The following ATRNL1 variants were observed in gnomAD, a reference collection of about 807,000 sequenced individuals.
The protein encoded by ATRNL1 is attractin like 1.
Under a neutral mutation model 182.7 loss-of-function variants are expected in ATRNL1, and 95 were observed. The ratio of observed to expected loss-of-function variants is 0.52; its 90% confidence interval spans 0.44 to 0.62. The LOEUF is 0.62. Ranked by LOEUF, ATRNL1 falls within the 20% of genes least tolerant of loss-of-function variation. ATRNL1 has a pLI of 0.00. For synonymous variants in ATRNL1, 576 were observed against 568.3 expected (o/e 1.01, Z -0.19); for missense variants, 1,471 against 1,679.5 (o/e 0.88, Z 2.17).
chr10:115,666,600 A>G (rs1471229863), intron 26 of ATRNL1, among the ~76,000 whole-genome samples: 2 of 152,186 alleles, frequency 1.3e-5, no homozygotes, highest in Non-Finnish European at 2.9e-5. Flanking sequence ...CCAAAAAGAT[A>G]TCTAGATCTG....
At chr10:115,422,902 A>G (rs936329140) in intron 20 of ATRNL1, among the ~76,000 whole-genome samples, 2 of 152,196 alleles carry the variant, frequency 1.3e-5, no homozygotes, top group South Asian at 2.1e-4. Context: ...AAAGTTAGAA[A>G]CAACACCTAT....
In ATRNL1 at chr10:115,945,487, G is replaced by C. The variant is rs1030806559; in HGVS notation, c.*708G>C. ...ACCTAACTCGTTATCAGAGCTGATA[G>C]AGCATGGAAAAGTCTGTCCAGCGAT... On this transcript the variant is annotated 3_prime_UTR_variant, in exon 29 of 29. Transcript: ENST00000355044. The C allele has an allele frequency of 1.3e-5, 2 of 152,172 alleles. No homozygotes were observed. Among genetic ancestry groups the C allele is most frequent in the African/African-American group, 2.4e-5 (1 of 41,452 alleles). The allele number at this position is 152,172 out of a possible 1,614,324, so 9.4% of individuals were successfully genotyped here.
intron 5 of ATRNL1, among the ~76,000 whole-genome samples, chr10:115,153,547 C>T (rs528000519): frequency 1.2e-3 from 188 of 152,202 alleles, no homozygotes; most frequent in African/African-American, 4.2e-3. Context: ...TCTTTGGGAT[C>T]GGTGGTGATA....
chr10:115,704,934 CCTT>C (rs775419441), intron 26 of ATRNL1, among the ~76,000 whole-genome samples: 50 of 151,662 alleles, frequency 3.3e-4, no homozygotes, highest in Non-Finnish European at 6.3e-4. Context: ...CTAGTTAACT[CCTT>C]CTTCTCCTTC....
chr10:115,309,178 C>T (rs1554927112), intron 17 of ATRNL1, among the ~76,000 whole-genome samples: 1 of 152,056 alleles, frequency 6.6e-6, no homozygotes, highest in East Asian at 1.9e-4. Context: ...TTACTATAGT[C>T]TTATAGTATA....
chr10:115,230,906 AG>A lies in ATRNL1; in HGVS notation c.1533-10664del, dbSNP rs1564837876. Among the ~76,000 whole-genome samples, 1,138 of 148,282 alleles carry A rather than the reference AG, an allele frequency of 7.7e-3. 28 individuals are homozygous for A. Among genetic ancestry groups the A allele is most frequent in the African/African-American group, 0.027 (1,086 of 39,544 alleles). On this transcript the variant is annotated intron_variant, in intron 9 of 28. Transcript: ENST00000355044. ...GAGAGAGAGAGAGAGAGAGAGAGAG[AG>A]AGAGAGAGAGAGAGAAAGAGAGAAA... is the stretch of plus-strand genomic sequence containing the variant.
At chr10:115,820,992 T>A (rs1950281523) in intron 27 of ATRNL1, among the ~76,000 whole-genome samples, 1 of 152,022 alleles carries the variant, frequency 6.6e-6, no homozygotes, top group South Asian at 2.1e-4. Flanking sequence ...CATGGTTTTG[T>A]AAGGGGCTCT....
intron 27 of ATRNL1, among the ~76,000 whole-genome samples, chr10:115,830,571 C>T (rs1018089813): frequency 1.3e-5 from 2 of 152,060 alleles, no homozygotes; most frequent in African/African-American, 4.8e-5. Flanking sequence ...TTTACCAGTT[C>T]CTAAAATTCA....
intron 21 of ATRNL1, among the ~76,000 whole-genome samples, chr10:115,437,999 C>T (rs2134435772): frequency 6.6e-6 from 1 of 151,948 alleles, no homozygotes. Context: ...ACCAAGATCT[C>T]CTTAAATGGT....
intron 28 of ATRNL1, among the ~76,000 whole-genome samples, chr10:115,888,107 G>A (rs1951994363): frequency 6.6e-6 from 1 of 152,096 alleles, no homozygotes; most frequent in African/African-American, 2.4e-5. Flanking sequence ...CTCTAGACTT[G>A]TTCTGTGCCG....
rs1855883096 is a variant in ATRNL1, at chr10:115,591,221, C to T, written c.3795+41685C>T. Among the ~76,000 whole-genome samples, 3 of 152,204 alleles carry T rather than the reference C, an allele frequency of 2.0e-5. No individual in the cohort carries two copies. In the South Asian group the frequency reaches 6.2e-4, roughly 31 times the overall value. ...CTGGTTTGGAGATAGACTCTTTACT[C>T]ACATAGTAACCTGTGTCACTTCCCT... On this transcript the variant is annotated intron_variant, in intron 26 of 28. Coordinates refer to ENST00000355044, the MANE Select transcript of ATRNL1 (RefSeq NM_207303.4).
chr10:115,852,228 A>G (rs1319154426), intron 28 of ATRNL1, among the ~76,000 whole-genome samples: 1 of 152,210 alleles, frequency 6.6e-6, no homozygotes, highest in Admixed American at 6.5e-5. Flanking sequence ...ATGATTGACT[A>G]TACCATTACC....
chr10:115,132,119 C>T (rs1417377357), intron 5 of ATRNL1, among the ~76,000 whole-genome samples: 1 of 151,054 alleles, frequency 6.6e-6, no homozygotes, highest in East Asian at 2.0e-4. Flanking sequence ...TGGGATGTTC[C>T]CCTTCCTGTG....
chr10:115,611,527 T>C (rs1233860745), intron 26 of ATRNL1, among the ~76,000 whole-genome samples: 1 of 152,154 alleles, frequency 6.6e-6, no homozygotes, highest in Non-Finnish European at 1.5e-5. Flanking sequence ...ATTTATTAAC[T>C]ACTGTCTTTC....
intron 1 of ATRNL1, among the ~76,000 whole-genome samples, chr10:115,101,717 C>T (rs1554864633): frequency 6.6e-6 from 1 of 152,120 alleles, no homozygotes; most frequent in Non-Finnish European, 1.5e-5. Context: ...ATATAATGAG[C>T]ACCATGGGAC....
chr10:115,107,466 C>T (rs1554866321), intron 1 of ATRNL1, among the ~76,000 whole-genome samples: 2 of 152,196 alleles, frequency 1.3e-5, no homozygotes, highest in Admixed American at 6.5e-5. Flanking sequence ...ATTGGGCTCC[C>T]AAGACCTCAG....
chr10:115,496,898 C>G (rs748301737), intron 24 of ATRNL1, among the ~76,000 whole-genome samples: 1 of 152,180 alleles, frequency 6.6e-6, no homozygotes, highest in African/African-American at 2.4e-5. Flanking sequence ...TGAGGTATCT[C>G]TTGGGGTTCC....
At chr10:115,465,019 C>T (rs1847986837) in intron 22 of ATRNL1, among the ~76,000 whole-genome samples, 1 of 151,688 alleles carries the variant, frequency 6.6e-6, no homozygotes, top group East Asian at 1.9e-4. Context: ...GAAATTATTT[C>T]ATTTAACGCT....
At position 115,653,262 on chromosome 10, in the gene ATRNL1, A is replaced by T. The variant is rs554679232; in HGVS notation, c.3796-73986A>T. 3.9e-5 allele frequency among the ~76,000 whole-genome samples: 6 copies of T among 152,272 alleles called. No individual in the cohort carries two copies. In the South Asian group the frequency reaches 1.2e-3, roughly 32 times the overall value. ...TATGCACATGTAAGTTTTCATCTGA[A>T]ATTGTCATGTACATTTATTTTGGTC... On this transcript the variant is annotated intron_variant, in intron 26 of 28. Coordinates refer to ENST00000355044, the MANE Select transcript of ATRNL1 (RefSeq NM_207303.4).
Sources: allele counts gnomAD v4.1 joint callset (sites outside exome capture counted in the v4.1 genomes callset), GRCh38; gene constraint gnomAD v4.1.1; transcripts MANE v1.5; gene names NCBI Gene and HGNC (gene_info 2026-07-23, HGNC 2026-07-21).